The following ROBO1 variants were observed in gnomAD, a reference collection of about 807,000 sequenced individuals.
ROBO1 encodes the protein roundabout homolog 1.
A neutral mutation model predicts 195.9 loss-of-function variants in ROBO1; 149 were observed. That is an observed-to-expected ratio of 0.76 (90% CI 0.67 to 0.87). The LOEUF (loss-of-function observed/expected upper bound fraction) is 0.87. Ranked by LOEUF, ROBO1 falls within the 40% of genes least tolerant of loss-of-function variation. The pLI is 0.00. For missense variants in ROBO1, 1,933 were observed against 2,068.3 expected, an observed-to-expected ratio of 0.93 and a Z score of 1.27; for synonymous variants, 816 against 733.2, an observed-to-expected ratio of 1.11 and a Z score of -1.82.
intron 4 of ROBO1, among the ~76,000 whole-genome samples, chr3:78,890,687 A>C (rs918967267): frequency 6.6e-6 from 1 of 152,160 alleles, no homozygotes; most frequent in Non-Finnish European, 1.5e-5. Flanking sequence ...TGTTGAATAC[A>C]TTTATATTAA....
intron 8 of ROBO1, chr3:78,693,024 C>T (rs993081946): frequency 2.2e-5 from 5 of 224,642 alleles, no homozygotes; most frequent in East Asian, 1.8e-4. Context: ...TTTAATCTTA[C>T]GATATATATA....
intron 1 of ROBO1, among the ~76,000 whole-genome samples, chr3:79,743,578 T>C (rs1415786680): frequency 1.3e-5 from 2 of 152,222 alleles, no homozygotes; most frequent in African/African-American, 4.8e-5. Context: ...AAATTAACCT[T>C]ACCTTACTGA....
chr3:79,618,114 G>A (rs1944884684), intron 1 of ROBO1, among the ~76,000 whole-genome samples: 1 of 151,796 alleles, frequency 6.6e-6, no homozygotes, highest in African/African-American at 2.4e-5. Flanking sequence ...AAGGCTTCAG[G>A]AAATAGAGGA....
chr3:79,736,247 A>G (rs1226876832), intron 1 of ROBO1, among the ~76,000 whole-genome samples: 1 of 152,328 alleles, frequency 6.6e-6, no homozygotes, highest in Non-Finnish European at 1.5e-5. Flanking sequence ...TCCAAAGGAT[A>G]GAGAGCAGGC....
At chr3:79,163,112 C>T (rs1052187035) in intron 2 of ROBO1, among the ~76,000 whole-genome samples, 1 of 152,116 alleles carries the variant, frequency 6.6e-6, no homozygotes, top group East Asian at 1.9e-4. Flanking sequence ...CATGATCATC[C>T]AATCCACAAA....
At chr3:79,623,435 A>T (rs775432184) in intron 1 of ROBO1, among the ~76,000 whole-genome samples, 4 of 152,204 alleles carry the variant, frequency 2.6e-5, no homozygotes, top group Non-Finnish European at 5.9e-5. Context: ...CAATGCAAAG[A>T]TGCTAAGAAC....
intron 26 of ROBO1, among the ~76,000 whole-genome samples, chr3:78,625,677 T>C (rs1704718093): frequency 6.6e-6 from 1 of 152,228 alleles, no homozygotes; most frequent in South Asian, 2.1e-4. Context: ...ACATTATCCA[T>C]TGATTCTCAC....
At chr3:79,211,252 G>C (rs2081961749) in intron 2 of ROBO1, among the ~76,000 whole-genome samples, 1 of 151,910 alleles carries the variant, frequency 6.6e-6, no homozygotes, top group Non-Finnish European at 1.5e-5. Context: ...TAGGCTGTCT[G>C]GTTGTTATTT....
At chr3:79,318,232 AAAT>A (rs1269169808) in intron 2 of ROBO1, among the ~76,000 whole-genome samples, 1 of 152,180 alleles carries the variant, frequency 6.6e-6, no homozygotes, top group Non-Finnish European at 1.5e-5. Context: ...GAAACACCCA[AAAT>A]AATATTTGAC....
intron 1 of ROBO1, among the ~76,000 whole-genome samples, chr3:79,689,971 T>C (rs1947251908): frequency 6.6e-6 from 1 of 152,028 alleles, no homozygotes. Flanking sequence ...TGTAAATCAG[T>C]GAAGTGATTA....
At chr3:79,614,164 A>G (rs1289597601) in intron 1 of ROBO1, among the ~76,000 whole-genome samples, 1 of 152,126 alleles carries the variant, frequency 6.6e-6, no homozygotes, top group East Asian at 1.9e-4. Flanking sequence ...ATAGATATTT[A>G]TAGAACACTC....
chr3:78,941,788 G>A (rs550263368), intron 3 of ROBO1, among the ~76,000 whole-genome samples: 10 of 152,292 alleles, frequency 6.6e-5, no homozygotes, highest in African/African-American at 2.2e-4. Context: ...TGAAGTGTAA[G>A]TCTGAAGGAA....
At chr3:78,599,387 G>A (rs1162341972) in intron 30 of ROBO1, among the ~76,000 whole-genome samples, 3 of 152,076 alleles carry the variant, frequency 2.0e-5, no homozygotes, top group Admixed American at 6.6e-5. Flanking sequence ...CCTCAAAATC[G>A]AAATACATTG....
At chr3:79,738,465 A>G (rs1163625990) in intron 1 of ROBO1, among the ~76,000 whole-genome samples, 4 of 152,194 alleles carry the variant, frequency 2.6e-5, no homozygotes, top group African/African-American at 9.6e-5. Flanking sequence ...CTGATCAGTC[A>G]TGCTGAGCTT....
intron 2 of ROBO1, among the ~76,000 whole-genome samples, chr3:79,431,160 T>C (rs1325358942): frequency 6.6e-6 from 1 of 152,136 alleles, no homozygotes; most frequent in African/African-American, 2.4e-5. Context: ...ACCAGCAACT[T>C]GGCATGAGGG....
chr3:79,237,208 C>G (rs1487827783), intron 2 of ROBO1, among the ~76,000 whole-genome samples: 1 of 152,072 alleles, frequency 6.6e-6, no homozygotes. Flanking sequence ...AATGGCCGGG[C>G]GCGGTGGCTC....
intron 8 of ROBO1, among the ~76,000 whole-genome samples, chr3:78,689,578 T>G (rs1366172105): frequency 6.6e-6 from 1 of 152,064 alleles, no homozygotes; most frequent in African/African-American, 2.4e-5. Context: ...CGGAAAAATG[T>G]GCACAGAATG....
chr3:79,330,273 G>GTATATATATATATATATATATATA (rs34794861), intron 2 of ROBO1, among the ~76,000 whole-genome samples: 4 of 137,860 alleles, frequency 2.9e-5, no homozygotes, highest in African/African-American at 7.9e-5. Flanking sequence ...GTATATATAT[G>GTATATATATATATATATATATATA]TATATATATA....
intron 2 of ROBO1, among the ~76,000 whole-genome samples, chr3:79,468,067 T>C (rs1181146805): frequency 6.6e-6 from 1 of 152,214 alleles, no homozygotes; most frequent in African/African-American, 2.4e-5. Flanking sequence ...TGGACTAGTT[T>C]ACTACTTCTA....
Sources: allele counts gnomAD v4.1 joint callset (sites outside exome capture counted in the v4.1 genomes callset), GRCh38; gene constraint gnomAD v4.1.1; transcripts MANE v1.5; gene names NCBI Gene and HGNC (gene_info 2026-07-23, HGNC 2026-07-21).